Variants in VPS16 observed in about 807,000 individuals in gnomAD.
VPS16 encodes VPS16 core subunit of CORVET and HOPS complexes.
Under a neutral mutation model 116.0 loss-of-function variants are expected in VPS16, and 82 were observed. The ratio of observed to expected loss-of-function variants is 0.71; its 90% CI spans 0.59 to 0.85. The LOEUF (loss-of-function observed/expected upper bound fraction) is 0.85. Among genes scored for constraint, VPS16 ranks in the 40% least tolerant of loss-of-function variants. VPS16 has a pLI of 0.00. For missense variants in VPS16, 928 were observed against 1,090.6 expected, an observed-to-expected ratio of 0.85 and a Z score of 2.10; for synonymous variants, 406 against 420.7, an observed-to-expected ratio of 0.96 and a Z score of 0.43.
At chr20:2,852,970 A>G (rs977999857) in intron 1 of VPS16, among the ~76,000 whole-genome samples, 1 of 152,252 alleles carries the variant, frequency 6.6e-6, no homozygotes, top group Non-Finnish European at 1.5e-5. Context: ...TTTATCCAAA[A>G]TAGAACTTTC....
chr20:2,859,910 C>A (rs937492207), intron 2 of VPS16, 103 bp downstream of exon 2: 11 of 1,469,284 alleles, frequency 7.5e-6, no homozygotes, highest in Middle Eastern at 1.8e-4. Flanking sequence ...TGCCACCCCC[C>A]ACTCACCCTG....
intron 1 of VPS16, among the ~76,000 whole-genome samples, chr20:2,857,912 T>C (rs949358682): frequency 2.0e-5 from 3 of 151,998 alleles, no homozygotes; most frequent in Non-Finnish European, 2.9e-5. Context: ...GGTTTCACCG[T>C]GTTGGCTAGA....
chr20:2,852,496 A>G (rs2089132200), intron 1 of VPS16, among the ~76,000 whole-genome samples: 1 of 152,144 alleles, frequency 6.6e-6, no homozygotes, highest in Non-Finnish European at 1.5e-5. Context: ...AGAATGTCAA[A>G]AGAAATGCAT....
Position 2,862,704 on chromosome 20 carries a change from G to C in VPS16, c.1197G>C (p.Leu399=). ...HEHQPDMQKS[L]LRAASFGKCF... ...ACCAGCCAGACATGCAGAAGAGTCT[G>C]CTCAGGGTTGGCCTGGATGGCCGGG... Residue 399 remains leucine (L), a synonymous_variant, in exon 12 of 24, where the codon CTG becomes CTC. Coordinates refer to ENST00000380445, the MANE Select transcript of VPS16 (RefSeq NM_022575.4). 1 of 1,593,068 alleles carries C rather than the reference G, an allele frequency of 6.3e-7. No homozygotes were observed. The highest frequency in any genetic ancestry group is 8.5e-7 in the Non-Finnish European group (1 of 1,171,034).
chr20:2,864,133 C>T lies in VPS16; in HGVS notation c.1612-46C>T, dbSNP rs2089284088. On this transcript the variant is annotated intron_variant, in intron 16 of 23. Transcript: ENST00000380445. This position sits in a 1 kb window ranked among gnomAD's most constrained non-coding sequence, Gnocchi z 5.2. The stretch of plus-strand genomic sequence containing the variant: ...ACACTCTGATGTGGTTGTTCAGGGC[C>T]CCCATGCCAGCTCCTTCTCTCTGTG... The T allele has an allele frequency of 1.9e-6, 3 of 1,613,704 alleles. No homozygotes were observed. Among genetic ancestry groups the T allele is most frequent in the African/African-American group, 2.7e-5 (2 of 74,926 alleles).
chr20:2,860,705 T>C lies in VPS16; in HGVS notation c.515-43T>C. The C allele has an allele frequency of 1.9e-6, 3 of 1,612,052 alleles. No individual in the cohort carries two copies. The highest frequency in any genetic ancestry group is 1.7e-6 in the Non-Finnish European group (2 of 1,179,210). ...TAGAGACCCATAGAAACAGAAACGG[T>C]GGGCCTTGGTCATCCTAACACTGTC... On this transcript the variant is annotated intron_variant, in intron 5 of 23. Transcript: ENST00000380445. The surrounding 1 kb of genome is among the most constrained non-coding windows in gnomAD (Gnocchi z 6.1).
In VPS16 at chr20:2,862,924, AC is replaced by A; in HGVS notation, c.1323del (p.Tyr442IlefsTer112). 1 of 1,613,718 alleles carries A rather than the reference AC, an allele frequency of 6.2e-7. No individual in the cohort carries two copies. Among genetic ancestry groups the A allele is most frequent in the Non-Finnish European group, 8.5e-7 (1 of 1,179,796 alleles). On this transcript the variant is annotated frameshift_variant, in exon 13 of 24. Transcript: ENST00000380445. LOFTEE classifies it high-confidence loss of function. ...GGACTATCACATCGGGATCCCGCTC[AC>A]CTATAGCCAGTATCCCTGTGCACGC... is the stretch of plus-strand genomic sequence containing the variant. ...VRDYHIGIPL[T>X]YSQYKQLTIQ...
At position 2,866,316 on chromosome 20, in the gene VPS16, G is replaced by T; in HGVS notation, c.2375+1G>T. The T allele has an allele frequency of 6.2e-7, 1 of 1,614,118 alleles. No homozygotes were observed. The highest frequency in any genetic ancestry group is 2.2e-5 in the East Asian group (1 of 44,862). ...AGGTCAAGGCTTTGCTTCTTGTTGG[G>T]TGCGTCAACTGAGGGCCTGTGGGTG... is the stretch of plus-strand genomic sequence containing the variant. On this transcript the variant is annotated splice_donor_variant, in intron 23 of 23. Transcript: ENST00000380445. LOFTEE classifies it high-confidence loss of function.
chr20:2,862,655 G>T lies in VPS16; in HGVS notation c.1148G>T (p.Cys383Phe), dbSNP rs1600002398. The T allele has an allele frequency of 6.2e-7, 1 of 1,610,756 alleles. No homozygotes were observed. Among genetic ancestry groups the T allele is most frequent in the Non-Finnish European group, 8.5e-7 (1 of 1,178,992 alleles). Residue 383 changes from cysteine to phenylalanine, a missense_variant, in exon 12 of 24, where the codon TGC (cysteine) becomes TTC (phenylalanine). Physicochemically the swap from Cys to Phe is radical, Grantham distance 205. Coordinates refer to ENST00000380445, the MANE Select transcript of VPS16 (RefSeq NM_022575.4). The part of the protein sequence containing the change: ...LGQLTQAVQQ[C>F]IEAAGHEHQP... ...CAGCTGACCCAGGCCGTGCAGCAGT[G>T]CATTGAGGCTGCAGGACATGAGCAC...
At position 2,863,840 on chromosome 20, in the gene VPS16, G is replaced by GAA. The variant is rs2089277711; in HGVS notation, c.1477-108_1477-107dup. ...AAGAAAGAGAGAAAGAAAGAAAGAAGAAGGAAGGGAGGGAGGAAGGGAACT... is the reference window on the plus strand; with the variant it reads ...AAGAAAGAGAGAAAGAAAGAAAGAAGAAAAGGAAGGGAGGGAGGAAGGGAACT... On this transcript the variant is annotated intron_variant, in intron 15 of 23. Coordinates refer to ENST00000380445, the MANE Select transcript of VPS16 (RefSeq NM_022575.4). This position sits in a 1 kb window ranked among gnomAD's most constrained non-coding sequence, Gnocchi z 4.4. The GAA allele has an allele frequency of 1.7e-6, 2 of 1,200,730 alleles. No individual in the cohort carries two copies. The highest frequency in any genetic ancestry group is 3.8e-5 in the African/African-American group (2 of 52,484). The allele number at this position is 1,200,730 out of a possible 1,614,324, so 74.4% of individuals were successfully genotyped here. A position where few individuals can be genotyped will look rare whatever the true frequency, so the allele number is the denominator to read the frequency against.
rs764322357 is a variant in VPS16 at position 2,866,205 on chromosome 20, C to T, written c.2272-7C>T. 4 of 1,614,012 alleles carry T rather than the reference C, an allele frequency of 2.5e-6. No homozygotes were observed. The highest frequency in any genetic ancestry group is 3.4e-6 in the Non-Finnish European group (4 of 1,179,942). On this transcript the variant is annotated splice_polypyrimidine_tract_variant and splice_region_variant and intron_variant, in intron 22 of 23. Transcript: ENST00000380445. ...CTTCTCCCTCCACCCGCTTCCTCTCCTCCAAGCCTTTTGTGGAGATCTGCA... is the reference window on the plus strand; with the variant it reads ...CTTCTCCCTCCACCCGCTTCCTCTCTTCCAAGCCTTTTGTGGAGATCTGCA...
Position 2,863,883 on chromosome 20 carries a change from G to A in VPS16, c.1477-66G>A. 3.8e-6 allele frequency: 6 copies of A among 1,586,402 alleles called. No homozygotes were observed. Among genetic ancestry groups the A allele is most frequent in the Non-Finnish European group, 5.2e-6 (6 of 1,162,798 alleles). ...AGGGAACTGAAGGGGTGGGTCCTAA[G>A]GGCTTGCAGGAGTGGAGAGTGAGGA... On this transcript the variant is annotated intron_variant, in intron 15 of 23. Coordinates refer to ENST00000380445, the MANE Select transcript of VPS16 (RefSeq NM_022575.4). This position sits in a 1 kb window ranked among gnomAD's most constrained non-coding sequence, Gnocchi z 4.4.
At chr20:2,854,802 AAAAAAGAAAGAAAG>A in intron 1 of VPS16, among the ~76,000 whole-genome samples, 1 of 151,438 alleles carries the variant, frequency 6.6e-6, no homozygotes, top group Non-Finnish European at 1.5e-5. Flanking sequence ...TCTCAAAAAA[AAAAAAGAAAGAAAG>A]AAAAAGAAAA....
intron 1 of VPS16, among the ~76,000 whole-genome samples, chr20:2,841,948 T>G (rs2088980107): frequency 6.6e-6 from 1 of 151,940 alleles, no homozygotes; most frequent in African/African-American, 2.4e-5. Context: ...AGAGGTGAGG[T>G]TTCACCATGG....
At chr20:2,846,621 T>C (rs1296019234) in intron 1 of VPS16, among the ~76,000 whole-genome samples, 9 of 152,152 alleles carry the variant, frequency 5.9e-5, no homozygotes, top group Non-Finnish European at 1.5e-5. Flanking sequence ...GAACTCTCTT[T>C]AGGGCCTGGG....
Position 2,860,047 on chromosome 20 carries a change from A to G in VPS16, c.143-7A>G, listed in dbSNP as rs1319251282. The G allele has an allele frequency of 6.2e-7, 1 of 1,613,860 alleles. No individual in the cohort carries two copies. The highest frequency in any genetic ancestry group is 8.5e-7 in the Non-Finnish European group (1 of 1,179,982). On this transcript the variant is annotated splice_region_variant and splice_polypyrimidine_tract_variant and intron_variant, in intron 2 of 23. Coordinates refer to ENST00000380445, the MANE Select transcript of VPS16 (RefSeq NM_022575.4). The surrounding 1 kb of genome is among the most constrained non-coding windows in gnomAD (Gnocchi z 6.1). ...GCTAGGACAGAAGGTCTCTTCTCAAACTGCAGCACTGCTGAGGAACCCCTG... is the reference window on the plus strand; with the variant it reads ...GCTAGGACAGAAGGTCTCTTCTCAAGCTGCAGCACTGCTGAGGAACCCCTG...
rs781399464 is a variant in VPS16 at position 2,865,134 on chromosome 20, A to G, written c.2005-14A>G. On this transcript the variant is annotated splice_polypyrimidine_tract_variant and intron_variant, in intron 20 of 23. Transcript: ENST00000380445. The surrounding 1 kb of genome is among the most constrained non-coding windows in gnomAD (Gnocchi z 5.2). ...TCCCTCATCCCCATCATGCCTCATT[A>G]TCCGGGTCCCCAGGCTACAGAGGAT... 2.5e-6 allele frequency: 4 copies of G among 1,614,000 alleles called. No individual in the cohort carries two copies. Among genetic ancestry groups the G allele is most frequent in the Non-Finnish European group, 3.4e-6 (4 of 1,179,970 alleles).
chr20:2,865,896 A>G lies in VPS16; in HGVS notation c.2272-316A>G. 6.3e-6 allele frequency: 3 copies of G among 475,164 alleles called. No homozygotes were observed. The highest frequency in any genetic ancestry group is 1.2e-5 in the Non-Finnish European group (3 of 260,718). 29.4% of individuals were successfully genotyped at this position (475,164 alleles called of 1,614,324 possible). On this transcript the variant is annotated intron_variant, in intron 22 of 23. Coordinates refer to ENST00000380445, the MANE Select transcript of VPS16 (RefSeq NM_022575.4). This position sits in a 1 kb window ranked among gnomAD's most constrained non-coding sequence, Gnocchi z 5.2. Reference sequence around the variant, plus strand: ...GTATAGGGCAGGTTTGAGAATGTCAATCACAAGAGAACACAGGAAATGTGA... The same window carrying G: ...GTATAGGGCAGGTTTGAGAATGTCAGTCACAAGAGAACACAGGAAATGTGA...
chr20:2,862,436 TTGAG>T, intron 11 of VPS16, 139 bp from the exon 12 acceptor site: 1 of 1,451,184 alleles, frequency 6.9e-7, no homozygotes, highest in Non-Finnish European at 9.1e-7. Flanking sequence ...CTCAGGTGGA[TTGAG>T]TGGGCTGAGG....
Sources: gnomAD v4.1 joint callset for allele counts (sites outside exome capture counted in the v4.1 genomes callset) on GRCh38, gnomAD v4.1.1 for gene constraint, Gnocchi (gnomAD v3.1) non-coding constraint, MANE v1.5 for transcripts, NCBI Gene and HGNC (gene_info 2026-07-23, HGNC 2026-07-21) for gene names.